Variants in TTC34 observed in about 807,000 individuals in gnomAD.
TTC34 encodes the protein tetratricopeptide repeat domain 34, also known as tetratricopeptide repeat protein 34.
Under a neutral mutation model 40.7 loss-of-function variants are expected in TTC34, and 44 were observed. The ratio of observed to expected loss-of-function variants is 1.08; its 90% CI spans 0.85 to 1.39. The LOEUF is 1.39. Among genes scored for constraint, TTC34 ranks in the 40% most tolerant of loss-of-function variants. The pLI is 0.00. For missense variants in TTC34, 884 were observed against 838.0 expected, an observed-to-expected ratio of 1.05 and a Z score of -0.68; for synonymous variants, 422 against 398.6, an observed-to-expected ratio of 1.06 and a Z score of -0.70.
At chr1:2,798,320 T>C (rs1306654262) in intron 2 of TTC34, among the ~76,000 whole-genome samples, 2 of 54,718 alleles carry the variant, frequency 3.7e-5, no homozygotes, top group Non-Finnish European at 6.7e-5. Flanking sequence ...CCCCCCAGCC[T>C]CCCAGCCTCT....
At chr1:2,676,988 A>G (rs1465939960) in intron 6 of TTC34, among the ~76,000 whole-genome samples, 5 of 116,862 alleles carry the variant, frequency 4.3e-5, no homozygotes, top group East Asian at 2.4e-4. Flanking sequence ...AGCATCCGAC[A>G]GCCTGGAGCA....
intron 2 of TTC34, among the ~76,000 whole-genome samples, chr1:2,794,332 A>C (rs1178493238): frequency 6.6e-6 from 1 of 152,194 alleles, no homozygotes; most frequent in Non-Finnish European, 1.5e-5. Flanking sequence ...TTATCTTTCA[A>C]TAAAGTTTTA....
chr1:2,773,098 C>A (rs1569845286), intron 6 of TTC34, among the ~76,000 whole-genome samples: 4 of 147,172 alleles, frequency 2.7e-5, no homozygotes, highest in African/African-American at 7.5e-5. Context: ...GCACCCACAC[C>A]CCCAGGCGAG....
intron 6 of TTC34, among the ~76,000 whole-genome samples, chr1:2,653,665 T>C (rs372563024): frequency 1.4e-4 from 12 of 88,308 alleles, no homozygotes; most frequent in South Asian, 4.2e-4. Context: ...GGCGAGCATC[T>C]GACAGCCTGG....
At chr1:2,785,039 G>A (rs560777250) in intron 5 of TTC34, among the ~76,000 whole-genome samples, 1 of 124,584 alleles carries the variant, frequency 8.0e-6, no homozygotes, top group Non-Finnish European at 1.7e-5. Flanking sequence ...TCCTGCCGAC[G>A]TGTGCAGGGC....
chr1:2,756,480 T>G (rs1641509929), intron 6 of TTC34, among the ~76,000 whole-genome samples: 1 of 80,110 alleles, frequency 1.2e-5, no homozygotes. Flanking sequence ...CAGGCGAGTA[T>G]CTGACAGCCT....
At chr1:2,688,229 G>A (rs797007257) in intron 6 of TTC34, among the ~76,000 whole-genome samples, 4 of 131,692 alleles carry the variant, frequency 3.0e-5, no homozygotes, top group Non-Finnish European at 3.2e-5. Flanking sequence ...GCATCCGACA[G>A]CCTGGAGCAG....
exon 6 of TTC34, chr1:2,783,738 GCGGGCT>G: frequency 6.5e-7 from 1 of 1,540,542 alleles, no homozygotes; most frequent in Non-Finnish European, 8.8e-7. Flanking sequence ...ACCCATAGCA[GCGGGCT>G]CGGGCAAGGA....
At chr1:2,693,845 C>G (rs1376877414) in intron 6 of TTC34, among the ~76,000 whole-genome samples, 12 of 142,070 alleles carry the variant, frequency 8.4e-5, no homozygotes, top group Middle Eastern at 3.5e-3. Flanking sequence ...GAGCATCTGA[C>G]AGCCTGGAAC....
exon 4 of TTC34, chr1:2,787,691 C>A: frequency 1.3e-6 from 2 of 1,545,474 alleles, no homozygotes; most frequent in African/African-American, 1.4e-5. Context: ...CCAGCTGGTG[C>A]ACGCCGCAGG....
At chr1:2,785,794 C>A in intron 5 of TTC34, 25 bp downstream of exon 5, 1 of 1,539,162 alleles carries the variant, frequency 6.5e-7, no homozygotes, top group Non-Finnish European at 8.8e-7. Flanking sequence ...AGACTGGGCC[C>A]TGGGGGCAGG....
At chr1:2,786,020 C>G in exon 5 of TTC34, 1 of 1,466,132 alleles carries the variant, frequency 6.8e-7, no homozygotes, top group Non-Finnish European at 9.1e-7. Flanking sequence ...AGCTTCTTCA[C>G]CAACTGCAAG....
At position 2,751,150 on chromosome 1, in the gene TTC34, C is replaced by A. The variant is rs1415817937; in HGVS notation, c.2226+32459G>T. On this transcript the variant is annotated intron_variant, in intron 6 of 8. Coordinates refer to ENST00000401095, the Ensembl canonical transcript of TTC34. ...TACCCCCAGGGGAGCATCTGACACCCTGGAGCAGCACGCACATCCCCAGGC... is the reference window on the plus strand; with the variant it reads ...TACCCCCAGGGGAGCATCTGACACCATGGAGCAGCACGCACATCCCCAGGC... Among the ~76,000 whole-genome samples the A allele has an allele frequency of 2.8e-5, 3 of 106,764 alleles. 1 individual carries two copies. Among genetic ancestry groups the A allele is most frequent in the Non-Finnish European group, 5.4e-5 (3 of 55,112 alleles). 70.0% of individuals were successfully genotyped at this position (106,764 alleles called of 152,430 possible). A position where few individuals can be genotyped will look rare whatever the true frequency, so the allele number is the denominator to read the frequency against.
intron 6 of TTC34, among the ~76,000 whole-genome samples, chr1:2,775,806 T>C (rs1643096919): frequency 6.8e-6 from 1 of 146,246 alleles, no homozygotes; most frequent in Non-Finnish European, 1.5e-5. Flanking sequence ...GGTGAGCATC[T>C]GACAGCCTGG....
intron 6 of TTC34, among the ~76,000 whole-genome samples, chr1:2,685,039 C>T (rs1423824650): frequency 1.6e-5 from 2 of 123,512 alleles, no homozygotes; most frequent in Non-Finnish European, 3.4e-5. Context: ...CACCCACACC[C>T]ACAGGTGAGC....
intron 6 of TTC34, among the ~76,000 whole-genome samples, chr1:2,683,665 A>G (rs1640185380): frequency 1.4e-5 from 2 of 142,888 alleles, no homozygotes; most frequent in Non-Finnish European, 3.0e-5. Context: ...CTGGAGCAGC[A>G]CGCTGCACCC....
In TTC34 at chr1:2,750,439, C is replaced by T. The variant is rs1381319809; in HGVS notation, c.2226+33170G>A. 1.9e-5 allele frequency among the ~76,000 whole-genome samples: 2 copies of T among 106,966 alleles called. 1 individual carries two copies. The highest frequency in any genetic ancestry group is 3.7e-5 in the Non-Finnish European group (2 of 54,784). 70.2% of individuals were successfully genotyped at this position (106,966 alleles called of 152,430 possible). On this transcript the variant is annotated intron_variant, in intron 6 of 8. Transcript: ENST00000401095. ...CGCACGTGACAGCCTGTAACAGCAC[C>T]CACACACCCAGGCGAGTATCTGACG...
intron 6 of TTC34, among the ~76,000 whole-genome samples, chr1:2,782,572 T>C (rs1643502425): frequency 6.6e-6 from 1 of 152,200 alleles, no homozygotes; most frequent in Admixed American, 6.5e-5. Context: ...AGTTGTAAAG[T>C]TAGATTGTTG....
rs1294245676 is a variant in TTC34, at chr1:2,683,420, C to T, written c.2227-37857G>A. Among the ~76,000 whole-genome samples, 127 of 48,738 alleles carry T rather than the reference C, an allele frequency of 2.6e-3. 2 individuals carry two copies. The highest frequency in any genetic ancestry group is 9.2e-4 in the Non-Finnish European group (17 of 18,430). The allele number at this position is 48,738 out of a possible 152,430, so 32.0% of individuals were successfully genotyped here. The stretch of plus-strand genomic sequence containing the variant: ...CAGGTGAGCATCCGATAGCCTGGAA[C>T]ACCACCCTTCACCCCCAGGTGAGCA... On this transcript the variant is annotated intron_variant, in intron 6 of 8. Coordinates refer to ENST00000401095, the Ensembl canonical transcript of TTC34.
Sources: gnomAD v4.1 joint callset for allele counts (sites outside exome capture counted in the v4.1 genomes callset) on GRCh38, gnomAD v4.1.1 for gene constraint, MANE v1.5 for transcripts, NCBI Gene and HGNC (gene_info 2026-07-23, HGNC 2026-07-21) for gene names.